Variants in AK5 observed in about 807,000 individuals in gnomAD.
AK5 encodes adenylate kinase 5, also known as adenylate kinase isoenzyme 5.
In AK5, 27 loss-of-function variants were observed where a neutral mutation model predicts 69.5. That is an observed-to-expected ratio of 0.39 (90% CI 0.29 to 0.54). The LOEUF (loss-of-function observed/expected upper bound fraction) is 0.54, where lower values mean the gene tolerates loss of function less well. Among genes scored for constraint, AK5 ranks in the 20% least tolerant of loss-of-function variants. AK5 has a pLI of 0.71. For missense variants in AK5, 531 were observed against 700.4 expected (o/e 0.76, Z 2.73); for synonymous variants, 260 against 244.4 (o/e 1.06, Z -0.60).
intron 8 of AK5, among the ~76,000 whole-genome samples, chr1:77,475,545 TTA>T (rs369324123): frequency 3.4e-4 from 29 of 84,466 alleles, no homozygotes; most frequent in African/African-American, 8.5e-4. Context: ...CAAATATATA[TTA>T]TATATATATA....
At chr1:77,354,840 C>T (rs2100420880) in intron 6 of AK5, among the ~76,000 whole-genome samples, 1 of 152,026 alleles carries the variant, frequency 6.6e-6, no homozygotes, top group East Asian at 1.9e-4. Context: ...AGTTCAGGAT[C>T]AAGGAGGAAA....
chr1:77,495,228 G>C (rs1656240701), intron 10 of AK5, among the ~76,000 whole-genome samples: 1 of 152,168 alleles, frequency 6.6e-6, no homozygotes, highest in Non-Finnish European at 1.5e-5. Context: ...TGACAGAATT[G>C]AGACTCAGAC....
At chr1:77,484,942 A>AT (rs1655494047) in intron 9 of AK5, among the ~76,000 whole-genome samples, 1 of 152,208 alleles carries the variant, frequency 6.6e-6, no homozygotes, top group Non-Finnish European at 1.5e-5. Flanking sequence ...TAAAACAACT[A>AT]TTTTTTAAAA....
At chr1:77,496,508 A>C (rs1656323999) in intron 10 of AK5, among the ~76,000 whole-genome samples, 1 of 152,202 alleles carries the variant, frequency 6.6e-6, no homozygotes, top group African/African-American at 2.4e-5. Flanking sequence ...TCATTCAGGT[A>C]AGGAAAAAGG....
At chr1:77,315,438 T>C (rs1276991374) in intron 5 of AK5, among the ~76,000 whole-genome samples, 1 of 152,108 alleles carries the variant, frequency 6.6e-6, no homozygotes, top group Non-Finnish European at 1.5e-5. Flanking sequence ...ATTTTAGCAA[T>C]TTATATTCTA....
At chr1:77,482,443 C>T (rs1655309863) in intron 8 of AK5, among the ~76,000 whole-genome samples, 1 of 152,088 alleles carries the variant, frequency 6.6e-6, no homozygotes, top group Non-Finnish European at 1.5e-5. Flanking sequence ...TTATTTCATG[C>T]TTTGGTTCGG....
chr1:77,437,076 A>C (rs886925990), intron 8 of AK5, among the ~76,000 whole-genome samples: 3 of 152,266 alleles, frequency 2.0e-5, no homozygotes, highest in African/African-American at 7.2e-5. Flanking sequence ...AAACTGCCTG[A>C]CCAGTAAACT....
At chr1:77,319,386 A>C (rs1660406703) in intron 5 of AK5, among the ~76,000 whole-genome samples, 2 of 152,198 alleles carry the variant, frequency 1.3e-5, no homozygotes, top group South Asian at 4.1e-4. Flanking sequence ...AGAGGGGCAA[A>C]GGGAAAATGG....
At chr1:77,359,526 G>T (rs572740094) in intron 6 of AK5, among the ~76,000 whole-genome samples, 1 of 149,902 alleles carries the variant, frequency 6.7e-6, no homozygotes, top group East Asian at 2.1e-4. Context: ...CATGTATACT[G>T]TTGATAATCT....
chr1:77,426,762 A>G (rs1651236511), intron 8 of AK5, among the ~76,000 whole-genome samples: 1 of 152,230 alleles, frequency 6.6e-6, no homozygotes, highest in South Asian at 2.1e-4. Context: ...TAACAAGTTT[A>G]AAAGAATATA....
chr1:77,290,511 G>A (rs186826491), intron 2 of AK5, among the ~76,000 whole-genome samples: 56 of 152,168 alleles, frequency 3.7e-4, no homozygotes, highest in African/African-American at 1.3e-3. Context: ...TTAAATTATT[G>A]GCTGACTGTC....
intron 6 of AK5, among the ~76,000 whole-genome samples, chr1:77,408,408 T>A (rs1035037262): frequency 2.0e-5 from 3 of 152,216 alleles, no homozygotes; most frequent in Non-Finnish European, 4.4e-5. Flanking sequence ...TTTTCATGTT[T>A]TTTGGCCACT....
Position 77,313,009 on chromosome 1 carries a change from A to C in AK5, c.699+15062A>C, listed in dbSNP as rs143282666. Among the ~76,000 whole-genome samples, 60 of 152,212 alleles carry C rather than the reference A, an allele frequency of 3.9e-4. 1 individual carries two copies. The highest frequency in any genetic ancestry group is 3.1e-3 in the East Asian group (16 of 5,182). On this transcript the variant is annotated intron_variant, in intron 5 of 13. Coordinates refer to ENST00000354567, the MANE Select transcript of AK5 (RefSeq NM_174858.3). Reference sequence around the variant, plus strand: ...CAAAAAAATTATTTCTGTGACCCCAAATGTTGCAAAGATCCAGACTTCTTC... The same window carrying C: ...CAAAAAAATTATTTCTGTGACCCCACATGTTGCAAAGATCCAGACTTCTTC...
intron 10 of AK5, among the ~76,000 whole-genome samples, chr1:77,500,804 A>G (rs184246761): frequency 5.1e-4 from 77 of 152,296 alleles, no homozygotes; most frequent in African/African-American, 1.9e-3. Context: ...AACAGCAACA[A>G]AAAAACAAGC....
intron 5 of AK5, among the ~76,000 whole-genome samples, chr1:77,339,644 C>T (rs12129136): frequency 0.023 from 2,833 of 123,164 alleles, 42 homozygotes; most frequent in Middle Eastern, 0.036. Flanking sequence ...TTAGCAATAT[C>T]TTTTTTTTTT....
intron 6 of AK5, among the ~76,000 whole-genome samples, chr1:77,360,480 T>C (rs941803334): frequency 4.0e-5 from 6 of 151,784 alleles, no homozygotes; most frequent in African/African-American, 1.5e-4. Context: ...CAGGATAGAG[T>C]AGGCAGAGAA....
intron 7 of AK5, among the ~76,000 whole-genome samples, chr1:77,411,572 C>A (rs1184825454): frequency 6.6e-6 from 1 of 152,060 alleles, no homozygotes; most frequent in Non-Finnish European, 1.5e-5. Context: ...AGTAATCATA[C>A]CTCCTAATGT....
At chr1:77,446,663 T>A (rs1189109007) in intron 8 of AK5, among the ~76,000 whole-genome samples, 1 of 152,246 alleles carries the variant, frequency 6.6e-6, no homozygotes, top group Admixed American at 6.5e-5. Flanking sequence ...ATTTTACTTC[T>A]TTGATGCTAT....
At chr1:77,407,678 C>A (rs1649750995) in intron 6 of AK5, among the ~76,000 whole-genome samples, 1 of 151,930 alleles carries the variant, frequency 6.6e-6, no homozygotes, top group Admixed American at 6.6e-5. Flanking sequence ...GATTTGCTAC[C>A]TGGGTATGTT....
Sources: allele counts gnomAD v4.1 joint callset (sites outside exome capture counted in the v4.1 genomes callset), GRCh38; gene constraint gnomAD v4.1.1; transcripts MANE v1.5; gene names NCBI Gene and HGNC (gene_info 2026-07-23, HGNC 2026-07-21).